PLAC1: variants seen among roughly 807,000 people sequenced by gnomAD.
PLAC1 encodes placenta-specific protein 1.
For missense variants in PLAC1, 136 were observed against 163.2 expected, an observed-to-expected ratio of 0.83 and a Z score of 0.91; for synonymous variants, 68 against 62.1, an observed-to-expected ratio of 1.09 and a Z score of -0.44.
intron 2 of PLAC1, among the ~76,000 whole-genome samples, chrX:134,681,403 G>A (rs1163510185): frequency 9.0e-6 from 1 of 111,382 alleles, no homozygotes; most frequent in Non-Finnish European, 1.9e-5. Flanking sequence ...GATAGACTGA[G>A]CTACAGTGTA....
upstream of PLAC1, among the ~76,000 whole-genome samples, chrX:134,660,632 A>G (rs964065204): frequency 8.9e-6 from 1 of 112,280 alleles, no homozygotes; most frequent in Non-Finnish European, 1.9e-5. Context: ...AAAGAGATGA[A>G]AAATAAGAAA....
chrX:134,762,446 T>G (rs2078772022), intron 1 of PLAC1, among the ~76,000 whole-genome samples: 1 of 112,248 alleles, frequency 8.9e-6, no homozygotes, highest in Admixed American at 9.4e-5. Flanking sequence ...ACCTGTATAC[T>G]TTTTGTATAT....
chrX:134,628,570 T>C (rs2078246610), intron 1 of PLAC1, among the ~76,000 whole-genome samples: 1 of 112,049 alleles, frequency 8.9e-6, no homozygotes, highest in Admixed American at 9.5e-5. Flanking sequence ...TTGGATTGGG[T>C]GACTGTTTTA....
chrX:134,755,108 T>A lies in PLAC1; in HGVS notation n.89+9126A>T, dbSNP rs1443606614. On this transcript the variant is annotated intron_variant and non_coding_transcript_variant, in intron 1 of 2. Transcript: ENST00000466797. ...TTATGAGCATAGGCCATGCTGAAGG[T>A]TTTACTTTAGCTAGCATGTGGAAAT... Among the ~76,000 whole-genome samples, 6 of 111,425 alleles carry A rather than the reference T, an allele frequency of 5.4e-5. No individual in the cohort carries two copies. The Admixed American group carries it at 5.7e-4, about 11-fold the overall frequency.
intron 2 of PLAC1, among the ~76,000 whole-genome samples, chrX:134,577,856 T>C (rs1602792098): frequency 9.2e-6 from 1 of 109,082 alleles, no homozygotes; most frequent in East Asian, 2.9e-4. Context: ...CATACATACA[T>C]CATGCACACA....
chrX:134,685,294 A>G (rs1351288032), intron 2 of PLAC1, among the ~76,000 whole-genome samples: 2 of 111,349 alleles, frequency 1.8e-5, no homozygotes, highest in Non-Finnish European at 3.8e-5. Context: ...CCAGATACAT[A>G]GGAATCCCTT....
intron 1 of PLAC1, among the ~76,000 whole-genome samples, chrX:134,753,784 A>G (rs1034113833): frequency 1.8e-5 from 2 of 111,648 alleles, no homozygotes; most frequent in Non-Finnish European, 3.8e-5. Context: ...GTCCCACCAC[A>G]TCCTGGAACA....
intron 1 of PLAC1, among the ~76,000 whole-genome samples, chrX:134,646,132 T>C (rs1381282244): frequency 2.7e-5 from 3 of 111,549 alleles, no homozygotes; most frequent in African/African-American, 6.5e-5. Flanking sequence ...TTTTGAAGAG[T>C]AGCAATGAAA....
intron 2 of PLAC1, among the ~76,000 whole-genome samples, chrX:134,588,597 C>T (rs2078018635): frequency 9.1e-6 from 1 of 110,308 alleles, no homozygotes; most frequent in Non-Finnish European, 1.9e-5. Context: ...AAAATGATCT[C>T]ACCAGAGCAC....
At chrX:134,709,676 T>C (rs1282967057) in intron 2 of PLAC1, among the ~76,000 whole-genome samples, 1 of 111,618 alleles carries the variant, frequency 9.0e-6, no homozygotes, top group Non-Finnish European at 1.9e-5. Context: ...AAAAAGGGCC[T>C]ACAAACAACT....
chrX:134,583,906 A>G (rs1436328357), intron 2 of PLAC1, among the ~76,000 whole-genome samples: 1 of 110,748 alleles, frequency 9.0e-6, no homozygotes, highest in African/African-American at 3.3e-5. Context: ...AGACCCATTG[A>G]GAGGGAGAGG....
intron 2 of PLAC1, among the ~76,000 whole-genome samples, chrX:134,567,523 G>C (rs2077882878): frequency 9.0e-6 from 1 of 111,451 alleles, no homozygotes; most frequent in Non-Finnish European, 1.9e-5. Context: ...TAGGAAGCCA[G>C]GGTGGAAGGA....
chrX:134,613,271 C>T (rs1810188167), intron 1 of PLAC1, among the ~76,000 whole-genome samples: 1 of 111,376 alleles, frequency 9.0e-6, no homozygotes, highest in Admixed American at 9.6e-5. Flanking sequence ...AAAATGTCAA[C>T]AGAATTGTGT....
intron 2 of PLAC1, among the ~76,000 whole-genome samples, chrX:134,687,815 CATAT>C (rs56675396): frequency 0.013 from 388 of 31,023 alleles, 3 homozygotes; most frequent in East Asian, 0.032. Flanking sequence ...ACTGAGATAA[CATAT>C]ATATATATAT....
At chrX:134,710,123 C>T (rs1232183991) in intron 2 of PLAC1, among the ~76,000 whole-genome samples, 1 of 111,310 alleles carries the variant, frequency 9.0e-6, no homozygotes, top group Non-Finnish European at 1.9e-5. Context: ...AAAATAAATG[C>T]TATAAGTCAA....
intron 1 of PLAC1, among the ~76,000 whole-genome samples, chrX:134,628,191 T>C (rs1455141678): frequency 8.9e-6 from 1 of 112,260 alleles, no homozygotes; most frequent in Non-Finnish European, 1.9e-5. Flanking sequence ...TAAAATGCTT[T>C]TTAACTTCAC....
intron 2 of PLAC1, among the ~76,000 whole-genome samples, chrX:134,575,409 G>A (rs1484568511): frequency 9.2e-6 from 1 of 108,605 alleles, no homozygotes; most frequent in African/African-American, 3.3e-5. Flanking sequence ...TACTTGGCAG[G>A]AGGATTGCTT....
At chrX:134,708,534 C>CTTT (rs758488220) in intron 2 of PLAC1, among the ~76,000 whole-genome samples, 1,089 of 73,573 alleles carry the variant, frequency 0.015, 30 homozygotes, top group African/African-American at 0.034. Context: ...CATTCTGTAT[C>CTTT]TTTTTTTTTT....
intron 2 of PLAC1, among the ~76,000 whole-genome samples, chrX:134,721,635 C>A (rs887307019): frequency 2.7e-5 from 3 of 109,909 alleles, no homozygotes; most frequent in African/African-American, 9.9e-5. Context: ...GAGGCCAAGG[C>A]GGGTGGATCA....
Sources: gnomAD v4.1 joint callset for allele counts (sites outside exome capture counted in the v4.1 genomes callset) on GRCh38, gnomAD v4.1.1 for gene constraint, MANE v1.5 for transcripts, NCBI Gene and HGNC (gene_info 2026-07-23, HGNC 2026-07-21) for gene names.